The following BEND6 variants were observed in gnomAD, a reference collection of about 807,000 sequenced individuals.
The protein encoded by BEND6 is BEN domain containing 6, also known as BEN domain-containing protein 6.
Under a neutral mutation model 31.8 loss-of-function variants are expected in BEND6, and 24 were observed. The observed-to-expected ratio is 0.75, with a 90% CI of 0.55 to 1.06. The LOEUF is 1.06. Ranked by LOEUF, BEND6 falls within the 50% of genes least tolerant of loss-of-function variation. The pLI is 0.00. For synonymous variants in BEND6, 109 were observed against 114.6 expected (o/e 0.95, Z 0.31); for missense variants, 294 against 327.4 (o/e 0.90, Z 0.79).
At chr6:56,962,259 G>C (rs1464926866) in intron 1 of BEND6, among the ~76,000 whole-genome samples, 1 of 152,152 alleles carries the variant, frequency 6.6e-6, no homozygotes, top group East Asian at 1.9e-4. Flanking sequence ...GTGGTATTCT[G>C]TTTTAACAGC....
chr6:56,966,195 G>A (rs970434769), intron 1 of BEND6, among the ~76,000 whole-genome samples: 3 of 151,980 alleles, frequency 2.0e-5, no homozygotes, highest in Admixed American at 6.6e-5. Flanking sequence ...TCCATCTTCC[G>A]GGTTCAGGCA....
At chr6:57,009,370 A>G (rs1292321972) in intron 3 of BEND6, 1 of 152,222 alleles carries the variant, frequency 6.6e-6, no homozygotes, top group Non-Finnish European at 1.5e-5. Flanking sequence ...TATATGTATC[A>G]AAACATCATT....
chr6:56,997,504 G>A (rs1212039630), intron 3 of BEND6, among the ~76,000 whole-genome samples: 2 of 152,208 alleles, frequency 1.3e-5, no homozygotes, highest in African/African-American at 2.4e-5. Flanking sequence ...GGCAACAGAA[G>A]TCAGGAACTG....
chr6:56,959,494 T>C (rs757684285), intron 1 of BEND6, among the ~76,000 whole-genome samples: 7 of 152,148 alleles, frequency 4.6e-5, no homozygotes, highest in Non-Finnish European at 8.8e-5. Context: ...AAATAAAGCA[T>C]ATTGATTTTG....
chr6:56,985,479 C>G (rs991127911), intron 2 of BEND6, among the ~76,000 whole-genome samples: 3 of 152,138 alleles, frequency 2.0e-5, no homozygotes, highest in African/African-American at 7.2e-5. Flanking sequence ...CCTCACTCTC[C>G]CATCATGCCT....
intron 3 of BEND6, chr6:57,010,297 A>C (rs1406759507): frequency 2.6e-5 from 4 of 152,236 alleles, no homozygotes; most frequent in Non-Finnish European, 4.4e-5. Flanking sequence ...AAGGGAAAAA[A>C]CTAGGAAGGG....
chr6:57,017,035 C>T (rs1446707189), intron 4 of BEND6, among the ~76,000 whole-genome samples, 172 bp from the exon 5 acceptor site: 1 of 151,468 alleles, frequency 6.6e-6, no homozygotes, highest in Admixed American at 6.6e-5. Flanking sequence ...TAATCCCTGA[C>T]ATGTAAAATA....
At chr6:56,999,951 C>A (rs1013669921) in intron 3 of BEND6, among the ~76,000 whole-genome samples, 6 of 151,746 alleles carry the variant, frequency 4.0e-5, no homozygotes, top group Non-Finnish European at 8.8e-5. Context: ...GCTGCCCCGT[C>A]TGGGAGGTGA....
At position 56,968,273 on chromosome 6, in the gene BEND6, G is replaced by GCATAATGC. The variant is rs570085570; in HGVS notation, c.-101+12814_-101+12821dup. Among the ~76,000 whole-genome samples the GCATAATGC allele has an allele frequency of 7.5e-4, 111 of 147,988 alleles. 2 individuals carry two copies. Among genetic ancestry groups the GCATAATGC allele is most frequent in the Middle Eastern group, 3.6e-3 (1 of 280 alleles). ...TGATTCAGGTCTATAGCCCCCTCAA[G>GCATAATGC]CATAATGCTTCTTTTCTTTTTCTTT... is the stretch of plus-strand genomic sequence containing the variant. On this transcript the variant is annotated intron_variant, in intron 1 of 6. Coordinates refer to ENST00000370746, the MANE Select transcript of BEND6 (RefSeq NM_152731.3).
At chr6:57,003,406 C>T (rs1456782283) in intron 3 of BEND6, among the ~76,000 whole-genome samples, 1 of 152,064 alleles carries the variant, frequency 6.6e-6, no homozygotes, top group Non-Finnish European at 1.5e-5. Context: ...GAGTCTGAAG[C>T]AGGAGGATTG....
chr6:56,995,112 G>A (rs1419528765), intron 3 of BEND6, among the ~76,000 whole-genome samples: 2 of 150,508 alleles, frequency 1.3e-5, no homozygotes, highest in Admixed American at 6.6e-5. Flanking sequence ...CCCCTTTTTT[G>A]TAATCAGTAT....
intron 3 of BEND6, among the ~76,000 whole-genome samples, chr6:57,000,310 A>G (rs1351569559): frequency 1.3e-5 from 2 of 152,182 alleles, no homozygotes; most frequent in African/African-American, 2.4e-5. Context: ...TCTCTGAAAC[A>G]TGTGCTGTGT....
chr6:56,986,008 C>G (rs1826255143), intron 2 of BEND6, among the ~76,000 whole-genome samples: 1 of 152,080 alleles, frequency 6.6e-6, no homozygotes, highest in Non-Finnish European at 1.5e-5. Flanking sequence ...CTAAAACTTG[C>G]TAACAAGAAC....
At chr6:56,979,855 TAGG>T (rs1826010589) in intron 1 of BEND6, among the ~76,000 whole-genome samples, 1 of 152,370 alleles carries the variant, frequency 6.6e-6, no homozygotes, top group East Asian at 1.9e-4. Flanking sequence ...TTGTATTTAC[TAGG>T]AGGACAGTTT....
intron 1 of BEND6, among the ~76,000 whole-genome samples, chr6:56,964,187 A>G (rs746984001): frequency 3.3e-5 from 5 of 152,018 alleles, no homozygotes; most frequent in Non-Finnish European, 5.9e-5. Flanking sequence ...TATGAATCAG[A>G]CAGTTTGGCT....
At position 57,018,562 on chromosome 6, in the gene BEND6, G is replaced by C; in HGVS notation, c.*9+5G>C. 1 of 1,505,884 alleles carries C rather than the reference G, an allele frequency of 6.6e-7. No individual in the cohort carries two copies. Among genetic ancestry groups the C allele is most frequent in the Non-Finnish European group, 8.8e-7 (1 of 1,133,206 alleles). 93.3% of individuals were successfully genotyped at this position (1,505,884 alleles called of 1,614,324 possible). A position where few individuals can be genotyped will look rare whatever the true frequency, so the allele number is the denominator to read the frequency against. ...GATATTAAATAGATCCTTTTGGTAA[G>C]TCTTTTAAATCTTCAGTCCTTTCAA... On this transcript the variant is annotated splice_donor_5th_base_variant and intron_variant, in intron 6 of 6. Coordinates refer to ENST00000370746, the MANE Select transcript of BEND6 (RefSeq NM_152731.3).
At chr6:57,008,247 A>C (rs9396251) in intron 3 of BEND6, 45,306 of 702,588 alleles carry the variant, frequency 0.064, 1,956 homozygotes, top group East Asian at 0.13. Context: ...TGTTACCTTG[A>C]CTCATCTCAG....
chr6:57,020,533 G>A (rs956367604), intron 6 of BEND6, among the ~76,000 whole-genome samples: 5 of 151,994 alleles, frequency 3.3e-5, no homozygotes, highest in East Asian at 1.9e-4. Flanking sequence ...CAATCCTCCC[G>A]CCTCAGCCTC....
intron 3 of BEND6, chr6:57,004,682 A>C (rs1827088232): frequency 3.9e-6 from 6 of 1,521,388 alleles, no homozygotes; most frequent in Non-Finnish European, 4.5e-6. Context: ...AAAAATGTGA[A>C]TCAGTCACTA....
Sources: gnomAD v4.1 joint callset for allele counts (sites outside exome capture counted in the v4.1 genomes callset) on GRCh38, gnomAD v4.1.1 for gene constraint, MANE v1.5 for transcripts, NCBI Gene and HGNC (gene_info 2026-07-23, HGNC 2026-07-21) for gene names.